Variants in DNAJC1 observed in about 807,000 individuals in gnomAD.
DNAJC1 encodes the protein DnaJ heat shock protein family (Hsp40) member C1, also known as dnaJ homolog subfamily C member 1.
In DNAJC1, 58 loss-of-function variants were observed where a neutral mutation model predicts 76.6. The observed-to-expected ratio is 0.76, with a 90% confidence interval of 0.61 to 0.94. The LOEUF is 0.94. Among genes scored for constraint, DNAJC1 ranks in the 40% least tolerant of loss-of-function variants. The pLI, the probability that DNAJC1 is intolerant of heterozygous loss-of-function variation, is 0.00. For synonymous variants in DNAJC1, 258 were observed against 267.9 expected (o/e 0.96, Z 0.36); for missense variants, 689 against 677.3 (o/e 1.02, Z -0.19).
intron 9 of DNAJC1, among the ~76,000 whole-genome samples, chr10:21,794,557 C>CA (rs1337466940): frequency 1.3e-5 from 2 of 151,832 alleles, no homozygotes; most frequent in Non-Finnish European, 2.9e-5. Context: ...ACATTAAACA[C>CA]AAAAAATCAA....
At chr10:21,836,660 A>C (rs1270866608) in intron 8 of DNAJC1, among the ~76,000 whole-genome samples, 1 of 152,200 alleles carries the variant, frequency 6.6e-6, no homozygotes, top group Non-Finnish European at 1.5e-5. Flanking sequence ...AAAACAAAAA[A>C]AGGCAGGGGT....
In DNAJC1 at chr10:22,003,207, G is replaced by A. The variant is rs1405106241; in HGVS notation, c.222+6C>T. ...TCCGCCCGGCCCCGCGCGCCTCCTT[G>A]CTTACCTGCTGCACCCCGAGGAACT... On this transcript the variant is annotated splice_donor_region_variant and intron_variant, in intron 1 of 11. Transcript: ENST00000376980. The A allele has an allele frequency of 6.5e-7, 1 of 1,546,024 alleles. No individual in the cohort carries two copies. The highest frequency in any genetic ancestry group is 8.7e-7 in the Non-Finnish European group (1 of 1,147,180).
intron 6 of DNAJC1, among the ~76,000 whole-genome samples, chr10:21,910,865 A>AGGAGAGGAGG: frequency 6.9e-6 from 1 of 144,062 alleles, no homozygotes. Flanking sequence ...AGGAGAGGAG[A>AGGAGAGGAGG]GGAGAGGAGA....
rs140017597 is a variant in DNAJC1, at chr10:21,880,201, C to A, written c.978+2081G>T. 5.3e-5 allele frequency among the ~76,000 whole-genome samples: 8 copies of A among 152,300 alleles called. No individual in the cohort carries two copies. In the East Asian group the frequency reaches 1.5e-3, roughly 29 times the overall value. Reference sequence around the variant, plus strand: ...TCAGGCTCCACTTCTAATTCTAGTTCTCTTGCTATTCACACCATATCAGCA... The same window carrying A: ...TCAGGCTCCACTTCTAATTCTAGTTATCTTGCTATTCACACCATATCAGCA... On this transcript the variant is annotated intron_variant, in intron 8 of 11. Transcript: ENST00000376980.
intron 9 of DNAJC1, among the ~76,000 whole-genome samples, chr10:21,790,626 G>C (rs1312223816): frequency 6.6e-6 from 1 of 151,764 alleles, no homozygotes; most frequent in Admixed American, 6.6e-5. Flanking sequence ...CCACTACATT[G>C]GCCTTACAAG....
At chr10:21,880,663 C>T (rs1769993930) in intron 8 of DNAJC1, among the ~76,000 whole-genome samples, 1 of 152,114 alleles carries the variant, frequency 6.6e-6, no homozygotes, top group Non-Finnish European at 1.5e-5. Context: ...CTTCAGTAAA[C>T]CATGCCGTAA....
chr10:21,796,068 C>T (rs1238857747), intron 9 of DNAJC1, among the ~76,000 whole-genome samples: 1 of 150,718 alleles, frequency 6.6e-6, no homozygotes, highest in Admixed American at 6.6e-5. Context: ...CTCCTGGGTT[C>T]AAGCGATTCT....
At chr10:21,930,206 C>T (rs1837199297) in intron 1 of DNAJC1, among the ~76,000 whole-genome samples, 1 of 152,194 alleles carries the variant, frequency 6.6e-6, no homozygotes, top group Admixed American at 6.5e-5. Flanking sequence ...GAACTCCTGA[C>T]CTCAAGTGAT....
chr10:21,919,901 T>C lies in DNAJC1; in HGVS notation c.566A>G (p.Glu189Gly). ...LDELLSRKKR[E>G]KKKKTGSKSV... ...CTTGCTGCCAGTCTTTTTTTTCTTT[T>C]CTCTCTTTTTTCTACTTAGTAGTTC... Residue 189 changes from glutamate (E) to glycine (G), a missense_variant, in exon 5 of 12, where the codon GAA becomes GGA. Glu to Gly is a moderately conservative substitution (Grantham distance 98). Transcript: ENST00000376980. 6.2e-7 allele frequency: 1 copy of C among 1,607,414 alleles called. No homozygotes were observed.
At chr10:21,789,411 T>C (rs1283490754) in intron 9 of DNAJC1, among the ~76,000 whole-genome samples, 1 of 152,170 alleles carries the variant, frequency 6.6e-6, no homozygotes, top group African/African-American at 2.4e-5. Flanking sequence ...CTAGAAAGTT[T>C]GGAAGAGGCT....
rs189139951 is a variant in DNAJC1 at position 21,827,883 on chromosome 10, A to G, written c.979-21784T>C. The stretch of plus-strand genomic sequence containing the variant: ...CTTAGGTTGTTTAAAATTTTTCACT[A>G]CTAGCATGCTGCAATGAACATCTTT... On this transcript the variant is annotated intron_variant, in intron 8 of 11. Coordinates refer to ENST00000376980, the MANE Select transcript of DNAJC1 (RefSeq NM_022365.4). Among the ~76,000 whole-genome samples the G allele has an allele frequency of 1.8e-3, 270 of 152,226 alleles. No individual in the cohort carries two copies. The Middle Eastern group carries it at 0.031, about 17-fold the overall frequency.
At chr10:21,768,058 A>G (rs1198957610) in intron 9 of DNAJC1, among the ~76,000 whole-genome samples, 1 of 152,084 alleles carries the variant, frequency 6.6e-6, no homozygotes, top group African/African-American at 2.4e-5. Flanking sequence ...CCTTCATGCA[A>G]TCTCTATCCT....
intron 7 of DNAJC1, among the ~76,000 whole-genome samples, chr10:21,887,096 C>T (rs1471638291): frequency 6.6e-6 from 1 of 152,126 alleles, no homozygotes; most frequent in Non-Finnish European, 1.5e-5. Flanking sequence ...ACTCCAACAA[C>T]AGCCAAACCT....
At chr10:21,881,844 T>TAAAA (rs1002377641) in intron 8 of DNAJC1, among the ~76,000 whole-genome samples, 1 of 55,410 alleles carries the variant, frequency 1.8e-5, no homozygotes, top group Non-Finnish European at 3.7e-5. Context: ...CCTCAATTTG[T>TAAAA]AAAAAAAAAA....
intron 7 of DNAJC1, among the ~76,000 whole-genome samples, chr10:21,889,680 G>C (rs1836428605): frequency 6.6e-6 from 1 of 152,076 alleles, no homozygotes; most frequent in African/African-American, 2.4e-5. Flanking sequence ...CTCAGACTTG[G>C]TGCTGCAGAA....
chr10:21,937,420 C>T (rs531899640), intron 1 of DNAJC1, among the ~76,000 whole-genome samples: 2 of 151,980 alleles, frequency 1.3e-5, no homozygotes, highest in Non-Finnish European at 2.9e-5. Context: ...GAAGATATAA[C>T]AATATAAATA....
chr10:21,920,999 T>A (rs368445605), intron 3 of DNAJC1, 36 bp from the exon 4 acceptor site: 1 of 1,486,784 alleles, frequency 6.7e-7, no homozygotes. Flanking sequence ...CACGGGGAGT[T>A]TAAAATAAAA....
chr10:21,800,731 T>C (rs1268435986), intron 9 of DNAJC1, among the ~76,000 whole-genome samples: 1 of 152,208 alleles, frequency 6.6e-6, no homozygotes, highest in Non-Finnish European at 1.5e-5. Flanking sequence ...CTAAAGTCTC[T>C]AGAATGATAT....
At chr10:21,934,758 G>A (rs1281921615) in intron 1 of DNAJC1, among the ~76,000 whole-genome samples, 1 of 152,110 alleles carries the variant, frequency 6.6e-6, no homozygotes, top group African/African-American at 2.4e-5. Flanking sequence ...AATACACTGT[G>A]ATATTCACAT....
Sources: allele counts gnomAD v4.1 joint callset (sites outside exome capture counted in the v4.1 genomes callset), GRCh38; gene constraint gnomAD v4.1.1; transcripts MANE v1.5; gene names NCBI Gene and HGNC (gene_info 2026-07-23, HGNC 2026-07-21).